The following ABCC6 variants were observed in gnomAD, a reference collection of about 807,000 sequenced individuals.
ABCC6 encodes the protein ATP binding cassette subfamily C member 6.
Under a neutral mutation model 169.5 loss-of-function variants are expected in ABCC6, and 126 were observed. The ratio of observed to expected loss-of-function variants is 0.74; its 90% CI spans 0.64 to 0.86. The LOEUF (loss-of-function observed/expected upper bound fraction) is 0.86. Among genes scored for constraint, ABCC6 ranks in the 40% least tolerant of loss-of-function variants. ABCC6 has a pLI of 0.00. For missense variants in ABCC6, 1,733 were observed against 1,927.2 expected, an observed-to-expected ratio of 0.90 and a Z score of 1.89; for synonymous variants, 752 against 814.7, an observed-to-expected ratio of 0.92 and a Z score of 1.31.
At chr16:16,208,953 C>T in intron 6 of ABCC6, 94 bp from the exon 7 acceptor site, 3 of 1,603,202 alleles carry the variant, frequency 1.9e-6, no homozygotes, top group South Asian at 1.1e-5. Context: ...GGGTAAGTCA[C>T]TTTACCTCTC....
rs1457091548 is a variant in ABCC6 at position 16,186,574 on chromosome 16, G to A, written c.1867+550C>T. Among the ~76,000 whole-genome samples the A allele has an allele frequency of 3.3e-5, 5 of 151,060 alleles. No individual in the cohort carries two copies. In the Admixed American group the frequency reaches 3.3e-4, roughly 10 times the overall value. On this transcript the variant is annotated intron_variant, in intron 14 of 30. Transcript: ENST00000205557. Reference sequence around the variant, plus strand: ...GAACACTTGTGAACTGTGCATGTGAGGAATCTGGGTTGCGTGTTCCTTATA... The same window carrying A: ...GAACACTTGTGAACTGTGCATGTGAAGAATCTGGGTTGCGTGTTCCTTATA...
intron 9 of ABCC6, 70 bp downstream of exon 9, chr16:16,201,931 A>C: frequency 6.3e-7 from 1 of 1,587,964 alleles, no homozygotes; most frequent in Non-Finnish European, 8.6e-7. Flanking sequence ...GCTGCTGATA[A>C]CATTACTGCC....
rs1400231402 is a variant in ABCC6, at chr16:16,199,619, G to C, written c.1177-1437C>G. On this transcript the variant is annotated intron_variant, in intron 9 of 30. Coordinates refer to ENST00000205557, the MANE Select transcript of ABCC6 (RefSeq NM_001171.6). ...TGAAGAAGTGATCCAGGAATGACTG[G>C]ACATAGAAATTCTCCACTTAGCAAG... Among the ~76,000 whole-genome samples, 7 of 126,908 alleles carry C rather than the reference G, an allele frequency of 5.5e-5. 3 individuals are homozygous for C. Among genetic ancestry groups the C allele is most frequent in the African/African-American group, 1.8e-4 (7 of 37,888 alleles). 83.3% of individuals were successfully genotyped at this position (126,908 alleles called of 152,430 possible). A position where few individuals can be genotyped will look rare whatever the true frequency, so the allele number is the denominator to read the frequency against.
intron 10 of ABCC6, among the ~76,000 whole-genome samples, chr16:16,194,361 G>A (rs1039079583): frequency 1.3e-5 from 2 of 152,220 alleles, no homozygotes; most frequent in Admixed American, 6.5e-5. Flanking sequence ...TCTAAGTCTC[G>A]TGAAATATTT....
At chr16:16,185,468 T>G (rs890147147) in intron 14 of ABCC6, among the ~76,000 whole-genome samples, 19 of 152,272 alleles carry the variant, frequency 1.2e-4, no homozygotes, top group African/African-American at 3.8e-4. Context: ...ATCCCAGCCT[T>G]CCCAGAGTGA....
intron 4 of ABCC6, among the ~76,000 whole-genome samples, chr16:16,214,967 G>C (rs541144581): frequency 5.9e-5 from 9 of 152,300 alleles, no homozygotes; most frequent in African/African-American, 2.2e-4. Flanking sequence ...TGGTGGGCCA[G>C]GGCTGCGTCT....
rs370805624 is a variant in ABCC6 at position 16,165,875 on chromosome 16, C to A, written c.3054G>T (p.Arg1018Ser). Residue 1018 changes from arginine to serine, a missense_variant, in exon 23 of 31, where the codon AGG becomes AGT. Physicochemically the swap from Arg to Ser is moderately radical, Grantham distance 110. Coordinates refer to ENST00000205557, the MANE Select transcript of ABCC6 (RefSeq NM_001171.6). The stretch of plus-strand genomic sequence containing the variant: ...CCCACAGGAGCCTCTGGAAGAGCAA[C>A]CTGGATGCCCGGGCCCCACCTAGGA... Reference protein sequence around the residue: ...AVLLGGARASRLLFQRLLWDV... With the variant: ...AVLLGGARASSLLFQRLLWDV... The A allele has an allele frequency of 6.2e-7, 1 of 1,613,236 alleles. No individual in the cohort carries two copies. The highest frequency in any genetic ancestry group is 8.5e-7 in the Non-Finnish European group (1 of 1,180,022).
intron 18 of ABCC6, among the ~76,000 whole-genome samples, chr16:16,177,859 C>T (rs1268647884): frequency 1.3e-5 from 2 of 152,064 alleles, no homozygotes; most frequent in Non-Finnish European, 1.5e-5. Context: ...AAGAGAATCA[C>T]TTAAACCTGG....
chr16:16,174,760 A>ACCTCCC (rs1555511581), intron 20 of ABCC6, among the ~76,000 whole-genome samples: 1 of 94,634 alleles, frequency 1.1e-5, no homozygotes, highest in African/African-American at 3.4e-5. Context: ...CTGTCTCAAA[A>ACCTCCC]CCCCCCCCCG....
intron 19 of ABCC6, 141 bp from the exon 20 acceptor site, chr16:16,176,127 AC>A: frequency 1.3e-6 from 1 of 764,874 alleles, no homozygotes; most frequent in Non-Finnish European, 2.3e-6. Context: ...CTCTCTCAAC[AC>A]CCCACTCTGA....
At chr16:16,169,546 A>T in intron 22 of ABCC6, 100 bp downstream of exon 22, 1 of 1,387,882 alleles carries the variant, frequency 7.2e-7, no homozygotes, top group Non-Finnish European at 1.0e-6. Flanking sequence ...ACACTGTTCC[A>T]GGGGGACAGG....
intron 4 of ABCC6, among the ~76,000 whole-genome samples, chr16:16,217,841 G>A (rs973922283): frequency 3.9e-5 from 6 of 152,232 alleles, no homozygotes; most frequent in East Asian, 1.9e-4. Flanking sequence ...TGTAATCCCA[G>A]CACTTTGGGA....
intron 23 of ABCC6, among the ~76,000 whole-genome samples, chr16:16,164,589 G>A (rs548251830): frequency 6.6e-6 from 1 of 152,234 alleles, no homozygotes; most frequent in South Asian, 2.1e-4. Flanking sequence ...TTTGCATGTT[G>A]AGTTGCTAAG....
At chr16:16,208,093 G>A (rs1417517829) in intron 7 of ABCC6, among the ~76,000 whole-genome samples, 2 of 152,172 alleles carry the variant, frequency 1.3e-5, no homozygotes, top group Non-Finnish European at 2.9e-5. Context: ...CTGCTTGTGT[G>A]TTGAGTCACC....
intron 7 of ABCC6, among the ~76,000 whole-genome samples, chr16:16,207,284 T>C (rs538745928): frequency 1.3e-5 from 2 of 152,350 alleles, no homozygotes; most frequent in South Asian, 4.1e-4. Context: ...GGGCATGGGA[T>C]TGGCCCCTGA....
intron 8 of ABCC6, 29 bp downstream of exon 8, chr16:16,203,381 T>C: frequency 6.2e-7 from 1 of 1,613,702 alleles, no homozygotes; most frequent in Non-Finnish European, 8.5e-7. Flanking sequence ...CCACCCACCT[T>C]AGCAGGGCAC....
intron 4 of ABCC6, among the ~76,000 whole-genome samples, chr16:16,216,896 G>A (rs3867573): frequency 6.7e-6 from 1 of 149,600 alleles, no homozygotes; most frequent in Non-Finnish European, 1.5e-5. Flanking sequence ...GAATGTAAGT[G>A]TGAAGGTATT....
chr16:16,159,528 A>G lies in ABCC6; in HGVS notation c.3689T>C (p.Ile1230Thr). 6.2e-7 allele frequency: 1 copy of G among 1,613,858 alleles called. No individual in the cohort carries two copies. The highest frequency in any genetic ancestry group is 8.5e-7 in the Non-Finnish European group (1 of 1,179,954). Residue 1230 changes from isoleucine to threonine, a missense_variant, in exon 26 of 31, where the codon ATC (isoleucine) becomes ACC (threonine). Ile to Thr is a moderately conservative substitution (Grantham distance 89). This residue lies in a region of ABCC6 where 1,601 missense variants were observed against 1,635.5 expected (regional missense o/e 0.98). Coordinates refer to ENST00000205557, the MANE Select transcript of ABCC6 (RefSeq NM_001171.6). ...GTCCTGCATCCGCTCCACTGACACGATGCTGTTCTCTAGGTCTGTCCAGTT... is the reference window on the plus strand; with the variant it reads ...GTCCTGCATCCGCTCCACTGACACGGTGCTGTTCTCTAGGTCTGTCCAGTT... ...VRNWTDLENS[I>T]VSVERMQDYA...
intron 17 of ABCC6, among the ~76,000 whole-genome samples, chr16:16,180,103 G>A (rs1294651055): frequency 6.6e-6 from 1 of 152,158 alleles, no homozygotes; most frequent in African/African-American, 2.4e-5. Flanking sequence ...TGCTGCCACT[G>A]ATCTGACAGG....
Sources: gnomAD v4.1 joint callset for allele counts (sites outside exome capture counted in the v4.1 genomes callset) on GRCh38, gnomAD v4.1.1 for gene constraint, gnomAD v4.1.1 regional missense constraint, MANE v1.5 for transcripts, NCBI Gene and HGNC (gene_info 2026-07-23, HGNC 2026-07-21) for gene names.